RALGAPA2: variants seen among roughly 807,000 people sequenced by gnomAD.
The protein encoded by RALGAPA2 is ral GTPase-activating protein subunit alpha-2.
Under a neutral mutation model 230.4 loss-of-function variants are expected in RALGAPA2, and 139 were observed. The ratio of observed to expected loss-of-function variants is 0.60; its 90% CI spans 0.53 to 0.69. The LOEUF (loss-of-function observed/expected upper bound fraction) is 0.69, where lower values mean the gene tolerates loss of function less well. Ranked by LOEUF, RALGAPA2 falls within the 30% of genes least tolerant of loss-of-function variation. The pLI is 0.00. For synonymous variants in RALGAPA2, 847 were observed against 837.8 expected, an observed-to-expected ratio of 1.01 and a Z score of -0.19; for missense variants, 2,163 against 2,276.0, an observed-to-expected ratio of 0.95 and a Z score of 1.01.
chr20:20,456,864 G>C (rs1321066904), intron 37 of RALGAPA2, among the ~76,000 whole-genome samples: 1 of 151,794 alleles, frequency 6.6e-6, no homozygotes, highest in Non-Finnish European at 1.5e-5. Context: ...GACAGTGTCT[G>C]CAGGCTATTC....
At chr20:20,677,338 A>G (rs532241428) in intron 2 of RALGAPA2, among the ~76,000 whole-genome samples, 6 of 152,314 alleles carry the variant, frequency 3.9e-5, no homozygotes, top group African/African-American at 1.4e-4. Flanking sequence ...AGCAAGCCAT[A>G]TGGAAATGTG....
In RALGAPA2 at chr20:20,434,546, G is replaced by C. The variant is rs539141394; in HGVS notation, c.5496-22398C>G. 8.9e-4 allele frequency among the ~76,000 whole-genome samples: 136 copies of C among 152,228 alleles called. 1 individual carries two copies. The highest frequency in any genetic ancestry group is 1.6e-3 in the Non-Finnish European group (107 of 68,014). On this transcript the variant is annotated intron_variant, in intron 37 of 39. Coordinates refer to ENST00000202677, the MANE Select transcript of RALGAPA2 (RefSeq NM_020343.4). ...GCATGGCCAAATGCTCAGAAGTGAA[G>C]ACCAGGAGGAGATGACCACGTTCTG... is the stretch of plus-strand genomic sequence containing the variant.
chr20:20,500,264 C>A (rs748398482), intron 35 of RALGAPA2, among the ~76,000 whole-genome samples: 14 of 152,296 alleles, frequency 9.2e-5, no homozygotes, highest in Middle Eastern at 6.8e-3. Flanking sequence ...TGAAAGATTT[C>A]TCTGTAGCAT....
At chr20:20,506,905 A>G (rs932340248) in intron 33 of RALGAPA2, among the ~76,000 whole-genome samples, 8 of 152,314 alleles carry the variant, frequency 5.3e-5, no homozygotes, top group East Asian at 3.9e-4. Context: ...CACTTCCCCT[A>G]TGGTTTATAT....
intron 38 of RALGAPA2, among the ~76,000 whole-genome samples, chr20:20,406,136 C>T (rs1370367641): frequency 6.6e-6 from 1 of 152,180 alleles, no homozygotes; most frequent in Non-Finnish European, 1.5e-5. Context: ...GTTCTCAGTC[C>T]TGCCTGCACG....
chr20:20,635,991 T>C (rs944246803), intron 8 of RALGAPA2, among the ~76,000 whole-genome samples: 13 of 152,352 alleles, frequency 8.5e-5, no homozygotes, highest in Admixed American at 3.9e-4. Flanking sequence ...TAAAAGTATA[T>C]ATGAACTTTT....
chr20:20,468,963 T>TGTG (rs2061480717), intron 37 of RALGAPA2, among the ~76,000 whole-genome samples: 3 of 143,292 alleles, frequency 2.1e-5, no homozygotes, highest in African/African-American at 7.6e-5. Context: ...GTGTGTGTGT[T>TGTG]TGTGTGTGTG....
At chr20:20,394,539 CTGAGG>C (rs2059666485) in intron 39 of RALGAPA2, among the ~76,000 whole-genome samples, 1 of 151,980 alleles carries the variant, frequency 6.6e-6, no homozygotes, top group Non-Finnish European at 1.5e-5. Context: ...ACTTGGGAGG[CTGAGG>C]TGAGAGGATT....
intron 37 of RALGAPA2, chr20:20,470,926 C>G (rs2061526139): frequency 6.6e-6 from 1 of 152,144 alleles, no homozygotes; most frequent in Non-Finnish European, 1.5e-5. Context: ...TTAGGTATAA[C>G]AGTTGATTTC....
At chr20:20,555,113 G>A (rs967785726) in intron 23 of RALGAPA2, among the ~76,000 whole-genome samples, 1 of 152,122 alleles carries the variant, frequency 6.6e-6, no homozygotes, top group African/African-American at 2.4e-5. Flanking sequence ...GTGTGAGGTA[G>A]GGGTCCAACT....
intron 35 of RALGAPA2, 39 bp downstream of exon 35, chr20:20,503,312 C>T (rs1203529624): frequency 5.5e-6 from 8 of 1,447,326 alleles, no homozygotes; most frequent in Non-Finnish European, 7.5e-6. Flanking sequence ...CACCTACAAA[C>T]CAGGGCAGCT....
rs2067484160 is a variant in RALGAPA2 at position 20,653,560 on chromosome 20, T to C, written c.298A>G (p.Ile100Val). 6.7e-7 allele frequency: 1 copy of C among 1,502,460 alleles called. No individual in the cohort carries two copies. Among genetic ancestry groups the C allele is most frequent in the Non-Finnish European group, 9.0e-7 (1 of 1,106,446 alleles). The allele number at this position is 1,502,460 out of a possible 1,614,324, so 93.1% of individuals were successfully genotyped here. The change falls in exon 4 of 40, where the codon ATT (isoleucine) becomes GTT (valine). Residue 100 changes from isoleucine (I) to valine (V), a missense_variant. Coordinates refer to ENST00000202677, the MANE Select transcript of RALGAPA2 (RefSeq NM_020343.4). ...EKILQFLPER[I>V]FFRWHYQSIG... ...CTCTGGTAATGCCATCGAAAGAAAA[T>C]TCGTTCAGGTAGAAACTGCAGTATT...
intron 24 of RALGAPA2, among the ~76,000 whole-genome samples, chr20:20,537,619 C>CAAAAAAA (rs373034061): frequency 2.4e-5 from 1 of 41,090 alleles, no homozygotes; most frequent in Admixed American, 2.4e-4. Context: ...GACTCCATCT[C>CAAAAAAA]AAAAAAAAAA....
At chr20:20,523,518 T>C (rs902732320) in intron 30 of RALGAPA2, among the ~76,000 whole-genome samples, 3 of 152,218 alleles carry the variant, frequency 2.0e-5, no homozygotes, top group Non-Finnish European at 2.9e-5. Context: ...TGGTGTTCTA[T>C]AGATTAGTAG....
intron 23 of RALGAPA2, among the ~76,000 whole-genome samples, chr20:20,568,034 C>T (rs1196789247): frequency 1.3e-5 from 2 of 152,022 alleles, no homozygotes; most frequent in Non-Finnish European, 2.9e-5. Context: ...TACTCCTAAG[C>T]ACCATCACCA....
At chr20:20,554,838 C>T (rs1044352218) in intron 23 of RALGAPA2, among the ~76,000 whole-genome samples, 1 of 152,080 alleles carries the variant, frequency 6.6e-6, no homozygotes. Context: ...AGATACTAGG[C>T]CCTAATCAGA....
At position 20,523,209 on chromosome 20, in the gene RALGAPA2, T is replaced by C. The variant is rs137888016; in HGVS notation, c.3900+1197A>G. On this transcript the variant is annotated intron_variant, in intron 30 of 39. Coordinates refer to ENST00000202677, the MANE Select transcript of RALGAPA2 (RefSeq NM_020343.4). ...AAATGCTAAACAAACAACCAAGGTT[T>C]GAGAGACACTGTTAAGACAAATTAC... Among the ~76,000 whole-genome samples, 174 of 152,298 alleles carry C rather than the reference T, an allele frequency of 1.1e-3. 1 individual carries two copies. The highest frequency in any genetic ancestry group is 3.8e-3 in the African/African-American group (160 of 41,560).
chr20:20,621,009 C>T (rs2066303373), intron 10 of RALGAPA2, among the ~76,000 whole-genome samples: 1 of 151,586 alleles, frequency 6.6e-6, no homozygotes, highest in African/African-American at 2.4e-5. Context: ...TGCGTGGTGG[C>T]GTGTGCCTGT....
intron 1 of RALGAPA2, among the ~76,000 whole-genome samples, chr20:20,707,287 C>A (rs2069644998): frequency 6.6e-6 from 1 of 152,152 alleles, no homozygotes; most frequent in African/African-American, 2.4e-5. Context: ...TGAAACAAGT[C>A]ATCGAATGTT....
Sources: allele counts gnomAD v4.1 joint callset (sites outside exome capture counted in the v4.1 genomes callset), GRCh38; gene constraint gnomAD v4.1.1; transcripts MANE v1.5; gene names NCBI Gene and HGNC (gene_info 2026-07-23, HGNC 2026-07-21).